The following HOXC4 variants were observed in gnomAD, a reference collection of about 807,000 sequenced individuals.
HOXC4 encodes the protein homeobox protein Hox-C4.
Under a neutral mutation model 25.5 loss-of-function variants are expected in HOXC4, and 15 were observed. That is an observed-to-expected ratio of 0.59 (90% CI 0.39 to 0.91). HOXC4 has a LOEUF of 0.91. Among genes scored for constraint, HOXC4 ranks in the 40% least tolerant of loss-of-function variants. The pLI is 0.00. For synonymous variants in HOXC4, 165 were observed against 148.0 expected, an observed-to-expected ratio of 1.11 and a Z score of -0.83; for missense variants, 342 against 352.4, an observed-to-expected ratio of 0.97 and a Z score of 0.24.
At chr12:54,030,670 C>A (rs563121196) in intron 1 of HOXC4, 1 of 152,478 alleles carries the variant, frequency 6.6e-6, no homozygotes, top group African/African-American at 2.4e-5. Context: ...GGGAAAATTA[C>A]AAAAAGAGAG....
intron 1 of HOXC4, among the ~76,000 whole-genome samples, chr12:54,019,178 C>T (rs866050401): frequency 1.5e-5 from 2 of 131,884 alleles, no homozygotes; most frequent in Admixed American, 1.5e-4. Flanking sequence ...CCCTCCCCCA[C>T]CCCCCCACCC....
chr12:54,046,536 A>AAT (rs147088501), intron 1 of HOXC4, among the ~76,000 whole-genome samples: 3,279 of 149,822 alleles, frequency 0.022, 56 homozygotes, highest in African/African-American at 0.046. Context: ...CCTTGAGGGA[A>AAT]ATATATATAT....
upstream of HOXC4, among the ~76,000 whole-genome samples, chr12:54,048,969 T>C (rs906227305): frequency 3.3e-5 from 5 of 152,118 alleles, no homozygotes; most frequent in Admixed American, 2.0e-4. Context: ...ACATCAGAAT[T>C]TTCAACAACA....
intron 1 of HOXC4, chr12:54,037,795 TGGG>T (rs1941212454): frequency 6.6e-6 from 1 of 152,198 alleles, no homozygotes; most frequent in Non-Finnish European, 1.5e-5. Flanking sequence ...GAGTGGCTCT[TGGG>T]GGACCACGTG....
chr12:54,055,075 T>G lies in HOXC4; in HGVS notation c.665T>G (p.Val222Gly). 1.2e-6 allele frequency: 2 copies of G among 1,613,118 alleles called. No homozygotes were observed. Among genetic ancestry groups the G allele is most frequent in the Non-Finnish European group, 1.7e-6 (2 of 1,179,798 alleles). The part of the protein sequence containing the change: ...KKDHRLPNTK[V>G]RSAPPAGAAP... ...GACCACCGACTCCCCAACACCAAAGTCAGGTCAGCACCCCCGGCCGGCGCT... is the reference window on the plus strand; with the variant it reads ...GACCACCGACTCCCCAACACCAAAGGCAGGTCAGCACCCCCGGCCGGCGCT... Residue 222 changes from valine (V) to glycine (G), a missense_variant, in exon 2 of 2, where the codon GTC becomes GGC. Val to Gly is a moderately radical substitution (Grantham distance 109, BLOSUM62 -3). Transcript: ENST00000430889.
At chr12:54,041,582 C>T (rs1941273396) in intron 1 of HOXC4, among the ~76,000 whole-genome samples, 1 of 152,182 alleles carries the variant, frequency 6.6e-6, no homozygotes, top group Non-Finnish European at 1.5e-5. Context: ...TGCCACAGGC[C>T]AGGTGGGAAG....
At chr12:54,030,047 C>A in intron 1 of HOXC4, 1 of 1,272,816 alleles carries the variant, frequency 7.9e-7, no homozygotes, top group Non-Finnish European at 1.1e-6. Flanking sequence ...GTATTTATCA[C>A]TGGCACAATT....
rs552181831 is a variant in HOXC4, at chr12:54,029,797, C to G, written c.-124+12383C>G. The stretch of plus-strand genomic sequence containing the variant: ...AGATCGCCAACGCGCTTTGCCTGAC[C>G]GAGCGACAGATCAAAATCTGGTTCC... On this transcript the variant is annotated intron_variant, in intron 1 of 3. Coordinates refer to the HOXC4 transcript ENST00000303406. 5 of 1,613,998 alleles carry G rather than the reference C, an allele frequency of 3.1e-6. No individual in the cohort carries two copies. The African/African-American group carries it at 5.3e-5, about 17-fold the overall frequency.
At chr12:54,024,849 A>G (rs1260161993) in intron 1 of HOXC4, among the ~76,000 whole-genome samples, 1 of 152,248 alleles carries the variant, frequency 6.6e-6, no homozygotes, top group East Asian at 1.9e-4. Context: ...TCCAAGGCGC[A>G]GGCAGTAAAT....
chr12:54,034,293 G>C (rs149168463), intron 1 of HOXC4: 5 of 1,613,650 alleles, frequency 3.1e-6, no homozygotes, highest in Admixed American at 1.7e-5. Flanking sequence ...GACGGCAAGC[G>C]GTCCCGAACC....
chr12:54,037,398 C>A (rs755810333), intron 1 of HOXC4, among the ~76,000 whole-genome samples: 2 of 152,140 alleles, frequency 1.3e-5, no homozygotes, highest in Non-Finnish European at 2.9e-5. Flanking sequence ...GCCTGCCTCT[C>A]CACTTTGCCC....
intron 1 of HOXC4, among the ~76,000 whole-genome samples, chr12:54,018,304 C>T (rs562958870): frequency 1.3e-5 from 2 of 152,378 alleles, no homozygotes; most frequent in East Asian, 1.9e-4. Flanking sequence ...GGGATGCCCG[C>T]TCGCCACGCA....
At chr12:54,050,132 A>T (rs1261373967), upstream of HOXC4, among the ~76,000 whole-genome samples, 1 of 152,174 alleles carries the variant, frequency 6.6e-6, no homozygotes, top group Non-Finnish European at 1.5e-5. Context: ...CAGAGAATCT[A>T]TGGAGCCGCT....
At chr12:54,024,653 T>A (rs1043446537) in intron 1 of HOXC4, among the ~76,000 whole-genome samples, 3 of 152,202 alleles carry the variant, frequency 2.0e-5, no homozygotes, top group Admixed American at 2.0e-4. Flanking sequence ...TTCTTCAGGC[T>A]GGGTCCAGTC....
intron 1 of HOXC4, among the ~76,000 whole-genome samples, chr12:54,025,104 G>A (rs990662345): frequency 5.3e-5 from 8 of 152,144 alleles, no homozygotes. Context: ...TGATGGGGTT[G>A]GGGGGTAGTG....
At chr12:54,036,669 A>G (rs1592241073) in intron 1 of HOXC4, among the ~76,000 whole-genome samples, 1 of 145,888 alleles carries the variant, frequency 6.9e-6, no homozygotes, top group African/African-American at 2.7e-5. Flanking sequence ...GTTAACCCAG[A>G]CCAGTGCTCT....
chr12:54,023,781 G>A (rs56394649), intron 1 of HOXC4, among the ~76,000 whole-genome samples: 2,340 of 152,170 alleles, frequency 0.015, 36 homozygotes, highest in South Asian at 0.055. Context: ...TTTGGAATGC[G>A]GTGTGTGTAG....
intron 1 of HOXC4, among the ~76,000 whole-genome samples, chr12:54,026,621 G>A (rs1344780960): frequency 6.6e-6 from 1 of 152,094 alleles, no homozygotes; most frequent in East Asian, 1.9e-4. Flanking sequence ...GGAGGATTGG[G>A]GCTGTATTTT....
Position 54,054,264 on chromosome 12 carries a change from G to T in HOXC4, c.342G>T (p.Pro114=). The T allele has an allele frequency of 2.3e-6, 3 of 1,319,212 alleles. No homozygotes were observed. The highest frequency in any genetic ancestry group is 2.1e-4 in the Middle Eastern group (1 of 4,806). The allele number at this position is 1,319,212 out of a possible 1,614,324, so 81.7% of individuals were successfully genotyped here. The change falls in exon 1 of 2, where the codon CCG becomes CCT. Residue 114 remains proline, a synonymous_variant. Transcript: ENST00000430889. The part of the protein sequence containing the change: ...SGASASPSPA[P]PACSQPAPDH... Reference sequence around the variant, plus strand: ...CCTCCGCCTCCCCGTCCCCAGCCCCGCCAGCCTGCAGCCAGCCAGCCCCCG... The same window carrying T: ...CCTCCGCCTCCCCGTCCCCAGCCCCTCCAGCCTGCAGCCAGCCAGCCCCCG...
Sources: gnomAD v4.1 joint callset for allele counts (sites outside exome capture counted in the v4.1 genomes callset) on GRCh38, gnomAD v4.1.1 for gene constraint, MANE v1.5 for transcripts, NCBI Gene and HGNC (gene_info 2026-07-23, HGNC 2026-07-21) for gene names.